TRPM6: variants seen among roughly 807,000 people sequenced by gnomAD.
TRPM6 encodes transient receptor potential cation channel subfamily M member 6.
In TRPM6, 111 loss-of-function variants were observed where a neutral mutation model predicts 247.6. That is an observed-to-expected ratio of 0.45 (90% CI 0.38 to 0.52). The LOEUF is 0.52. Ranked by LOEUF, TRPM6 falls within the 20% of genes least tolerant of loss-of-function variation. The pLI, the probability that TRPM6 is intolerant of heterozygous loss-of-function variation, is 0.00. For synonymous variants in TRPM6, 892 were observed against 853.8 expected, an observed-to-expected ratio of 1.04 and a Z score of -0.78; for missense variants, 2,126 against 2,421.5, an observed-to-expected ratio of 0.88 and a Z score of 2.56.
chr9:74,762,065 A>C lies in TRPM6; in HGVS notation c.4606T>G (p.Phe1536Val). The C allele has an allele frequency of 2.5e-6, 4 of 1,614,214 alleles. No homozygotes were observed. The African/African-American group carries it at 5.3e-5, about 22-fold the overall frequency. The change falls in exon 26 of 39, where the codon TTC becomes GTC. Residue 1536 changes from phenylalanine to valine, a missense_variant. By Grantham distance (50) the Phe-to-Val change is conservative. This residue lies in a region of TRPM6 where 717 missense variants were observed against 715.9 expected (regional missense o/e 1.00). Transcript: ENST00000360774. The stretch of plus-strand genomic sequence containing the variant: ...AATCTAAAACTATGACTCCTAGCGA[A>C]GGGCCTGTATCTGCGGAGAGGATTG... ...WINPLRRYRPFARSHSFRFHK... is the reference protein window; with the variant it reads ...WINPLRRYRPVARSHSFRFHK...
At chr9:74,830,384 G>C (rs373739677) in intron 6 of TRPM6, among the ~76,000 whole-genome samples, 2 of 150,398 alleles carry the variant, frequency 1.3e-5, no homozygotes, top group African/African-American at 4.9e-5. Flanking sequence ...GGGTTTTTTT[G>C]TTTGTTTGTT....
At chr9:74,820,193 G>C in intron 9 of TRPM6, 111 bp downstream of exon 9, 1 of 1,249,840 alleles carries the variant, frequency 8.0e-7, no homozygotes, top group East Asian at 2.5e-5. Flanking sequence ...CCTGTATGTT[G>C]TTCCCCTTCC....
intron 2 of TRPM6, chr9:74,857,558 G>A (rs1830564344): frequency 6.6e-6 from 1 of 152,072 alleles, no homozygotes; most frequent in Non-Finnish European, 1.5e-5. Flanking sequence ...TTCACTAGTT[G>A]CTTTTTTGAC....
intron 4 of TRPM6, among the ~76,000 whole-genome samples, chr9:74,840,842 A>AG (rs570889269): frequency 5.8e-4 from 88 of 151,304 alleles, no homozygotes; most frequent in African/African-American, 1.6e-3. Context: ...AAAAAAAAAA[A>AG]AAAGAAAGAA....
chr9:74,772,578 C>A (rs918675867), intron 24 of TRPM6, among the ~76,000 whole-genome samples: 1 of 152,238 alleles, frequency 6.6e-6, no homozygotes, highest in African/African-American at 2.4e-5. Flanking sequence ...ATTGGTGGCA[C>A]AAGCCTGTAG....
chr9:74,785,739 G>A (rs1215858083), intron 21 of TRPM6, 135 bp downstream of exon 21: 16 of 961,878 alleles, frequency 1.7e-5, no homozygotes, highest in Admixed American at 3.7e-5. Context: ...TAGCCAGGAT[G>A]TTCTTGATCT....
At chr9:74,763,207 T>C (rs2118845037) in intron 25 of TRPM6, 73 bp from the exon 26 acceptor site, 1 of 1,461,672 alleles carries the variant, frequency 6.8e-7, no homozygotes, top group East Asian at 2.3e-5. Flanking sequence ...CCTACCCTAC[T>C]TCCATCCTTA....
chr9:74,881,771 T>C (rs1342808406), intron 1 of TRPM6, among the ~76,000 whole-genome samples: 3 of 152,098 alleles, frequency 2.0e-5, no homozygotes, highest in South Asian at 2.1e-4. Flanking sequence ...TAGAAATCAA[T>C]AATAAGAGGA....
chr9:74,851,176 AT>A (rs1433748627), intron 3 of TRPM6, among the ~76,000 whole-genome samples: 1 of 152,196 alleles, frequency 6.6e-6, no homozygotes, highest in East Asian at 1.9e-4. Context: ...TAAAAAATAT[AT>A]ATTCATGTTT....
intron 28 of TRPM6, 30 bp from the exon 29 acceptor site, chr9:74,752,398 A>G (rs1176884122): frequency 8.2e-7 from 1 of 1,214,896 alleles, no homozygotes; most frequent in East Asian, 2.4e-5. Flanking sequence ...AGATTAGAAA[A>G]TACATGAAAA....
chr9:74,853,851 C>A (rs894803610), intron 3 of TRPM6, among the ~76,000 whole-genome samples: 4 of 151,122 alleles, frequency 2.6e-5, no homozygotes, highest in Non-Finnish European at 4.4e-5. Flanking sequence ...CAAGAATGAT[C>A]AATAAATACT....
chr9:74,816,515 C>G (rs1049480404), intron 11 of TRPM6, among the ~76,000 whole-genome samples, 154 bp downstream of exon 11: 1 of 148,498 alleles, frequency 6.7e-6, no homozygotes, highest in Non-Finnish European at 1.5e-5. Flanking sequence ...AAGGCAAAGT[C>G]GATGGGAAAA....
At position 74,724,466 on chromosome 9, in the gene TRPM6, G is replaced by A. The variant is rs1587440465; in HGVS notation, c.*147C>T. On this transcript the variant is annotated 3_prime_UTR_variant, in exon 39 of 39. Coordinates refer to ENST00000360774, the MANE Select transcript of TRPM6 (RefSeq NM_017662.5). Reference sequence around the variant, plus strand: ...GAGAACCCATTGATCATATACCAATGAGGCCTTTGAACAGAAGGAGATGTG... The same window carrying A: ...GAGAACCCATTGATCATATACCAATAAGGCCTTTGAACAGAAGGAGATGTG... 3 of 1,141,336 alleles carry A rather than the reference G, an allele frequency of 2.6e-6. No homozygotes were observed. Among genetic ancestry groups the A allele is most frequent in the Non-Finnish European group, 3.9e-6 (3 of 768,248 alleles). The allele number at this position is 1,141,336 out of a possible 1,614,324, so 70.7% of individuals were successfully genotyped here.
chr9:74,883,684 A>C (rs942879830), intron 1 of TRPM6, among the ~76,000 whole-genome samples: 2 of 152,166 alleles, frequency 1.3e-5, no homozygotes, highest in African/African-American at 4.8e-5. Context: ...ACAGATCAAT[A>C]TATACAATAT....
chr9:74,840,581 G>A (rs952281359), intron 4 of TRPM6, among the ~76,000 whole-genome samples: 4 of 152,112 alleles, frequency 2.6e-5, no homozygotes, highest in African/African-American at 7.2e-5. Context: ...TCGGGAGGCC[G>A]AGGTGGGCGG....
At chr9:74,759,651 C>T (rs1254200034) in intron 27 of TRPM6, among the ~76,000 whole-genome samples, 1 of 151,958 alleles carries the variant, frequency 6.6e-6, no homozygotes, top group Non-Finnish European at 1.5e-5. Flanking sequence ...TATAGACCTA[C>T]AAGCAAGAGC....
At chr9:74,860,135 G>A (rs1038759734) in intron 1 of TRPM6, among the ~76,000 whole-genome samples, 8 of 152,102 alleles carry the variant, frequency 5.3e-5, no homozygotes, top group Admixed American at 1.3e-4. Flanking sequence ...TTAGTTGATG[G>A]GTTCCTGTGT....
Position 74,856,467 on chromosome 9 carries a change from C to CTGTGTGTG in TRPM6, c.114-910_114-903dup, listed in dbSNP as rs57338419. Among the ~76,000 whole-genome samples the CTGTGTGTG allele has an allele frequency of 7.4e-3, 1,092 of 147,812 alleles. 11 individuals carry two copies. The highest frequency in any genetic ancestry group is 0.017 in the African/African-American group (701 of 40,288). The stretch of plus-strand genomic sequence containing the variant: ...AATATGTGTGTGTGTGTGTGTGTGT[C>CTGTGTGTG]TGTGTGTGTGTGTGTGTGTGTGAAG... On this transcript the variant is annotated intron_variant, in intron 2 of 38. Coordinates refer to ENST00000360774, the MANE Select transcript of TRPM6 (RefSeq NM_017662.5).
At chr9:74,833,849 C>T (rs1829624193) in intron 6 of TRPM6, 149 bp downstream of exon 6, 1 of 1,027,930 alleles carries the variant, frequency 9.7e-7, no homozygotes, top group African/African-American at 1.6e-5. Flanking sequence ...TCTTCTAAGA[C>T]AGGGTGAGGG....
Sources: allele counts gnomAD v4.1 joint callset (sites outside exome capture counted in the v4.1 genomes callset), GRCh38; gene constraint gnomAD v4.1.1; regional missense constraint gnomAD v4.1.1; transcripts MANE v1.5; gene names NCBI Gene and HGNC (gene_info 2026-07-23, HGNC 2026-07-21).